The following CDH23 variants were observed in gnomAD, a reference collection of about 807,000 sequenced individuals.
The protein encoded by CDH23 is cadherin-23.
In CDH23, 189 loss-of-function variants were observed where a neutral mutation model predicts 317.1. That is an observed-to-expected ratio of 0.60 (90% CI 0.53 to 0.67). The LOEUF (loss-of-function observed/expected upper bound fraction) is 0.67. Ranked by LOEUF, CDH23 falls within the 30% of genes least tolerant of loss-of-function variation. The probability of loss-of-function intolerance (pLI) is 0.00; values close to 1 mark genes in which losing one functional copy is unlikely to be tolerated. For missense variants in CDH23, 4,401 were observed against 4,592.4 expected, an observed-to-expected ratio of 0.96 and a Z score of 1.20; for synonymous variants, 1,839 against 1,876.8, an observed-to-expected ratio of 0.98 and a Z score of 0.52.
At position 71,615,486 on chromosome 10, in the gene CDH23, T is replaced by C. The variant is rs1263199477; in HGVS notation, c.833-18T>C. The C allele has an allele frequency of 6.3e-7, 1 of 1,582,216 alleles. No individual in the cohort carries two copies. Among genetic ancestry groups the C allele is most frequent in the Non-Finnish European group, 8.7e-7 (1 of 1,154,940 alleles). On this transcript the variant is annotated intron_variant, in intron 9 of 69. Transcript: ENST00000224721. ...TGCCCTGTGCCTGGTCACACCTGAA[T>C]GCTTCTCTCTCTTGCAGGGAATACC...
At chr10:71,561,743 C>A (rs55958798) in intron 6 of CDH23, among the ~76,000 whole-genome samples, 1 of 152,162 alleles carries the variant, frequency 6.6e-6, no homozygotes, top group Middle Eastern at 3.4e-3. Context: ...GGGATAATGC[C>A]TAGACATGCT....
chr10:71,502,286 C>G (rs1853381254), intron 3 of CDH23, among the ~76,000 whole-genome samples: 1 of 152,180 alleles, frequency 6.6e-6, no homozygotes, highest in Non-Finnish European at 1.5e-5. Flanking sequence ...GTTGCAAAAG[C>G]CTTGCTTTCT....
chr10:71,762,626 G>A (rs560717369), intron 38 of CDH23, among the ~76,000 whole-genome samples: 3 of 152,296 alleles, frequency 2.0e-5, no homozygotes, highest in African/African-American at 7.2e-5. Context: ...AGCCCTCAGG[G>A]CACTTGGAGG....
rs2132695080 is a variant in CDH23, at chr10:71,687,734, CG to C, written c.2059+21del. 2.5e-6 allele frequency: 4 copies of C among 1,610,834 alleles called. No individual in the cohort carries two copies. Among genetic ancestry groups the C allele is most frequent in the Non-Finnish European group, 2.5e-6 (3 of 1,177,896 alleles). On this transcript the variant is annotated intron_variant, in intron 19 of 69. Coordinates refer to ENST00000224721, the MANE Select transcript of CDH23 (RefSeq NM_022124.6). ...CATCATGGCAGGTACAGGCTCAGGT[CG>C]GGGGGTGGGGGGCACATGGAGGTAG...
At chr10:71,554,002 G>T (rs1856742853) in intron 6 of CDH23, among the ~76,000 whole-genome samples, 1 of 152,162 alleles carries the variant, frequency 6.6e-6, no homozygotes, top group Non-Finnish European at 1.5e-5. Flanking sequence ...CATCTGCAAA[G>T]CACTTTGCAG....
chr10:71,687,203 A>G (rs1261300143), intron 18 of CDH23, among the ~76,000 whole-genome samples: 1 of 152,180 alleles, frequency 6.6e-6, no homozygotes, highest in Non-Finnish European at 1.5e-5. Context: ...ATACTTCAGT[A>G]TCTTTGAGGA....
intron 45 of CDH23, among the ~76,000 whole-genome samples, chr10:71,789,509 C>T (rs1841187389): frequency 6.6e-6 from 1 of 152,130 alleles, no homozygotes; most frequent in African/African-American, 2.4e-5. Flanking sequence ...ACCAGGCTCA[C>T]CTCCCTCCAG....
chr10:71,712,364 C>A (rs1427706399), intron 27 of CDH23: 1 of 308,554 alleles, frequency 3.2e-6, no homozygotes, highest in Admixed American at 4.5e-5. Flanking sequence ...ATCATTCAAT[C>A]CACTTGAGTG....
intron 3 of CDH23, among the ~76,000 whole-genome samples, chr10:71,499,101 C>T (rs1363134849): frequency 1.3e-5 from 2 of 152,036 alleles, no homozygotes; most frequent in Non-Finnish European, 2.9e-5. Flanking sequence ...CATTTGCAGC[C>T]ACATAGATGG....
At chr10:71,720,391 G>A (rs528689556) in intron 28 of CDH23, among the ~76,000 whole-genome samples, 6 of 151,154 alleles carry the variant, frequency 4.0e-5, no homozygotes, top group East Asian at 1.9e-4. Context: ...GGTGGGCCAC[G>A]GGAGACCTCC....
chr10:71,761,446 C>G, intron 38 of CDH23: 1 of 954,846 alleles, frequency 1.0e-6, no homozygotes, highest in Non-Finnish European at 1.5e-6. Flanking sequence ...TCCACACACC[C>G]TTGACCACCC....
At chr10:71,797,914 T>TG (rs1841446537) in intron 49 of CDH23, among the ~76,000 whole-genome samples, 1 of 152,190 alleles carries the variant, frequency 6.6e-6, no homozygotes, top group Admixed American at 6.5e-5. Flanking sequence ...GCCTGGCAGA[T>TG]GATGACTGCT....
chr10:71,631,466 G>A (rs1240465187), intron 11 of CDH23, among the ~76,000 whole-genome samples: 1 of 152,222 alleles, frequency 6.6e-6, no homozygotes, highest in African/African-American at 2.4e-5. Flanking sequence ...GAAGGAGGGA[G>A]TGGAGTGTGC....
intron 6 of CDH23, among the ~76,000 whole-genome samples, chr10:71,558,319 A>T (rs1018264393): frequency 6.6e-6 from 1 of 151,992 alleles, no homozygotes; most frequent in Non-Finnish European, 1.5e-5. Context: ...TTTCCTCTGG[A>T]ATTCCTATTA....
chr10:71,713,569 G>A (rs1479315932), intron 28 of CDH23: 21 of 450,304 alleles, frequency 4.7e-5, no homozygotes, highest in Non-Finnish European at 8.4e-5. Context: ...CTGGGGAGCA[G>A]GGAGCTGACT....
chr10:71,608,231 A>G lies in CDH23; in HGVS notation c.833-7273A>G, dbSNP rs113530774. Among the ~76,000 whole-genome samples, 1,472 of 152,266 alleles carry G rather than the reference A, an allele frequency of 9.7e-3. 26 individuals are homozygous for G. The highest frequency in any genetic ancestry group is 0.033 in the African/African-American group (1,353 of 41,544). ...ACGTAATAGACTCCAGGCACAGACC[A>G]TGACTAGAAGAGAGACCATTGGAAG... On this transcript the variant is annotated intron_variant, in intron 9 of 69. Coordinates refer to ENST00000224721, the MANE Select transcript of CDH23 (RefSeq NM_022124.6).
In CDH23 at chr10:71,452,755, A is replaced by G. The variant is rs143949278; in HGVS notation, c.145+6360A>G. Among the ~76,000 whole-genome samples, 368 of 152,350 alleles carry G rather than the reference A, an allele frequency of 2.4e-3. 2 individuals carry two copies. The highest frequency in any genetic ancestry group is 8.6e-3 in the African/African-American group (359 of 41,572). ...ACAGCGATTTTAGTGTCTCTATTATACAAGACTGAGGAGTGCTAATGTGAG... is the reference window on the plus strand; with the variant it reads ...ACAGCGATTTTAGTGTCTCTATTATGCAAGACTGAGGAGTGCTAATGTGAG... On this transcript the variant is annotated intron_variant, in intron 3 of 69. Transcript: ENST00000224721.
chr10:71,679,346 T>G, intron 16 of CDH23, 41 bp from the exon 17 acceptor site: 1 of 1,028,360 alleles, frequency 9.7e-7, no homozygotes, highest in Non-Finnish European at 1.4e-6. Context: ...GCCCCCAGTC[T>G]CCTGCAGGCT....
At position 71,580,842 on chromosome 10, in the gene CDH23, G is replaced by C. The variant is rs562186973; in HGVS notation, c.832+2850G>C. On this transcript the variant is annotated intron_variant, in intron 9 of 69. Transcript: ENST00000224721. The stretch of plus-strand genomic sequence containing the variant: ...TAGGTAAGGGTGGCTCAACAGGGCT[G>C]CCCCCACCCCCCATTCCTACCCCTT... Among the ~76,000 whole-genome samples the C allele has an allele frequency of 7.2e-5, 11 of 152,180 alleles. 1 individual carries two copies. Among genetic ancestry groups the C allele is most frequent in the African/African-American group, 2.6e-4 (11 of 41,518 alleles).
Sources: gnomAD v4.1 joint callset for allele counts (sites outside exome capture counted in the v4.1 genomes callset) on GRCh38, gnomAD v4.1.1 for gene constraint, MANE v1.5 for transcripts, NCBI Gene and HGNC (gene_info 2026-07-23, HGNC 2026-07-21) for gene names.